Variants in SLC39A9 observed in about 807,000 individuals in gnomAD.
The protein encoded by SLC39A9 is zinc transporter ZIP9.
In SLC39A9, 14 loss-of-function variants were observed where a neutral mutation model predicts 28.4. That is an observed-to-expected ratio of 0.49 (90% CI 0.33 to 0.77). The LOEUF is 0.77. Among genes scored for constraint, SLC39A9 ranks in the 30% least tolerant of loss-of-function variants. The pLI, the probability that SLC39A9 is intolerant of heterozygous loss-of-function variation, is 0.02. For missense variants in SLC39A9, 283 were observed against 381.1 expected, an observed-to-expected ratio of 0.74 and a Z score of 2.14; for synonymous variants, 119 against 149.6, an observed-to-expected ratio of 0.80 and a Z score of 1.49.
At chr14:69,450,265 C>T (rs1050803592) in intron 3 of SLC39A9, among the ~76,000 whole-genome samples, 1 of 152,034 alleles carries the variant, frequency 6.6e-6, no homozygotes, top group Admixed American at 6.6e-5. Flanking sequence ...GGGTATCTTT[C>T]TTCCATACCA....
Position 69,442,249 on chromosome 14 carries a change from A to G in SLC39A9, c.386A>G (p.His129Arg), listed in dbSNP as rs1262002893. 6.2e-7 allele frequency: 1 copy of G among 1,614,046 alleles called. No individual in the cohort carries two copies. Among genetic ancestry groups the G allele is most frequent in the Non-Finnish European group, 8.5e-7 (1 of 1,180,036 alleles). ...CTGGTGGACCAGATTGGTAACTCCC[A>G]TGTGCATTCTACTGACGGTGAGTGG... is the stretch of plus-strand genomic sequence containing the variant. ...MLLVDQIGNS[H>R]VHSTDDPEAA... The change falls in exon 3 of 7, where the codon CAT becomes CGT. Residue 129 changes from histidine to arginine, a missense_variant. His to Arg is a conservative substitution (Grantham distance 29). Transcript: ENST00000336643.
chr14:69,439,717 G>A (rs2139422107), intron 2 of SLC39A9, among the ~76,000 whole-genome samples: 1 of 152,270 alleles, frequency 6.6e-6, no homozygotes, highest in African/African-American at 2.4e-5. Context: ...TTGCTGATGA[G>A]TGAGTTCTCC....
intron 1 of SLC39A9, among the ~76,000 whole-genome samples, chr14:69,405,265 C>T (rs1020303895): frequency 2.0e-5 from 3 of 152,096 alleles, no homozygotes; most frequent in African/African-American, 7.2e-5. Flanking sequence ...GTTTGAGTTA[C>T]CCGCAAATCA....
chr14:69,448,979 G>T (rs1490676803), intron 3 of SLC39A9, among the ~76,000 whole-genome samples: 1 of 152,134 alleles, frequency 6.6e-6, no homozygotes, highest in Non-Finnish European at 1.5e-5. Context: ...CTGAGAAAAG[G>T]ATGTATGAAT....
At chr14:69,456,345 A>G (rs1413378907) in intron 6 of SLC39A9, among the ~76,000 whole-genome samples, 2 of 152,212 alleles carry the variant, frequency 1.3e-5, no homozygotes, top group South Asian at 2.1e-4. Context: ...AGGGAACAAC[A>G]TACTGCTCAC....
chr14:69,420,537 T>G lies in SLC39A9; in HGVS notation c.97-3557T>G, dbSNP rs542148501. Among the ~76,000 whole-genome samples the G allele has an allele frequency of 2.0e-5, 3 of 152,262 alleles. No homozygotes were observed. In the South Asian group the frequency reaches 6.2e-4, roughly 32 times the overall value. ...TTCTCTGTATTTCCTGAATTTGAATTTTGGCCTGCCTTGCTATGTTGGGGA... is the reference window on the plus strand; with the variant it reads ...TTCTCTGTATTTCCTGAATTTGAATGTTGGCCTGCCTTGCTATGTTGGGGA... On this transcript the variant is annotated intron_variant, in intron 1 of 6. Coordinates refer to ENST00000336643, the MANE Select transcript of SLC39A9 (RefSeq NM_018375.5).
At chr14:69,422,181 C>T (rs545556868) in intron 1 of SLC39A9, among the ~76,000 whole-genome samples, 3 of 152,316 alleles carry the variant, frequency 2.0e-5, no homozygotes, top group Admixed American at 2.0e-4. Flanking sequence ...AAGAAACAAA[C>T]AGATGAAGTT....
intron 2 of SLC39A9, among the ~76,000 whole-genome samples, chr14:69,425,311 C>A (rs1390166420): frequency 6.6e-6 from 1 of 152,152 alleles, no homozygotes; most frequent in East Asian, 1.9e-4. Flanking sequence ...ACAGTATTTT[C>A]TTTCATATTC....
chr14:69,403,630 T>G (rs1029825819), intron 1 of SLC39A9, among the ~76,000 whole-genome samples: 1 of 152,198 alleles, frequency 6.6e-6, no homozygotes, highest in Non-Finnish European at 1.5e-5. Flanking sequence ...GATAAAAAAT[T>G]ACTACTATAA....
At chr14:69,443,359 A>C (rs948616785) in intron 3 of SLC39A9, among the ~76,000 whole-genome samples, 4 of 152,258 alleles carry the variant, frequency 2.6e-5, no homozygotes, top group African/African-American at 9.6e-5. Flanking sequence ...GCTACTTGAT[A>C]GTTGCCCAGC....
chr14:69,408,928 TATA>T (rs1883087579), intron 1 of SLC39A9, among the ~76,000 whole-genome samples: 1 of 152,232 alleles, frequency 6.6e-6, no homozygotes, highest in Non-Finnish European at 1.5e-5. Flanking sequence ...TTGACTATAG[TATA>T]ATAATTAATG....
intron 1 of SLC39A9, among the ~76,000 whole-genome samples, chr14:69,409,887 T>G (rs1883171921): frequency 6.6e-6 from 1 of 152,214 alleles, no homozygotes; most frequent in Non-Finnish European, 1.5e-5. Flanking sequence ...TTACAACAAA[T>G]GCAAATAACG....
rs1555405679 is a variant in SLC39A9 at position 69,406,856 on chromosome 14, T to TTTG, written c.96+7393_96+7394insGTT. Among the ~76,000 whole-genome samples the TTTG allele has an allele frequency of 8.7e-5, 12 of 137,648 alleles. No homozygotes were observed. In the East Asian group the frequency reaches 1.2e-3, roughly 14 times the overall value. The allele number at this position is 137,648 out of a possible 152,430, so 90.3% of individuals were successfully genotyped here. A position where few individuals can be genotyped will look rare whatever the true frequency, so the allele number is the denominator to read the frequency against. On this transcript the variant is annotated intron_variant, in intron 1 of 6. Coordinates refer to ENST00000336643, the MANE Select transcript of SLC39A9 (RefSeq NM_018375.5). ...TAGACTGGAAATTCTTTGTTTTTTT[T>TTTG]TTTTTTTTTTTTGAGATGGAGTCTT...
At chr14:69,446,600 C>T (rs1237601264) in intron 3 of SLC39A9, among the ~76,000 whole-genome samples, 11 of 152,002 alleles carry the variant, frequency 7.2e-5, no homozygotes, top group Middle Eastern at 3.2e-3. Flanking sequence ...TGGCTGGGCG[C>T]GGTGGCTCAC....
Position 69,417,053 on chromosome 14 carries a change from A to G in SLC39A9, c.97-7041A>G, listed in dbSNP as rs575764052. On this transcript the variant is annotated intron_variant, in intron 1 of 6. Coordinates refer to ENST00000336643, the MANE Select transcript of SLC39A9 (RefSeq NM_018375.5). ...AGTCATGAAGTCCTTGCCCATGCCT[A>G]TGTTCTGAATGGTACTGCCTAGGTT... Among the ~76,000 whole-genome samples, 46 of 152,266 alleles carry G rather than the reference A, an allele frequency of 3.0e-4. 1 individual carries two copies. The highest frequency in any genetic ancestry group is 1.7e-3 in the Admixed American group (26 of 15,286).
At chr14:69,438,966 T>A (rs1884911296) in intron 2 of SLC39A9, among the ~76,000 whole-genome samples, 1 of 152,146 alleles carries the variant, frequency 6.6e-6, no homozygotes, top group South Asian at 2.1e-4. Flanking sequence ...ATAGAAGGCA[T>A]TCACATTGGA....
chr14:69,405,755 T>C (rs1219070194), intron 1 of SLC39A9, among the ~76,000 whole-genome samples: 1 of 152,202 alleles, frequency 6.6e-6, no homozygotes, highest in African/African-American at 2.4e-5. Context: ...GGTTGCAATA[T>C]GATTCAATAT....
rs1197105303 is a variant in SLC39A9 at position 69,461,597 on chromosome 14, T to C, written c.*3004T>C. ...AGAGAAAAGAAAGGGAGTGGCTGTTTTGAGTTGTCCTTTCTTTGCAGAAAG... is the reference window on the plus strand; with the variant it reads ...AGAGAAAAGAAAGGGAGTGGCTGTTCTGAGTTGTCCTTTCTTTGCAGAAAG... On this transcript the variant is annotated 3_prime_UTR_variant, in exon 7 of 7. Coordinates refer to ENST00000336643, the MANE Select transcript of SLC39A9 (RefSeq NM_018375.5). 1 of 1,520,552 alleles carries C rather than the reference T, an allele frequency of 6.6e-7. No individual in the cohort carries two copies. The highest frequency in any genetic ancestry group is 1.2e-5 in the South Asian group (1 of 81,808). 94.2% of individuals were successfully genotyped at this position (1,520,552 alleles called of 1,614,324 possible). A position where few individuals can be genotyped will look rare whatever the true frequency, so the allele number is the denominator to read the frequency against.
Position 69,461,453 on chromosome 14 carries a change from A to G in SLC39A9, c.*2860A>G. 1 of 1,349,092 alleles carries G rather than the reference A, an allele frequency of 7.4e-7. No homozygotes were observed. The highest frequency in any genetic ancestry group is 9.6e-7 in the Non-Finnish European group (1 of 1,046,794). 83.6% of individuals were successfully genotyped at this position (1,349,092 alleles called of 1,614,324 possible). A position where few individuals can be genotyped will look rare whatever the true frequency, so the allele number is the denominator to read the frequency against. ...AAAGATTCTGCACTGGAACGTAGACAGTTGGAAACAGTACTACCTACCTAG... is the reference window on the plus strand; with the variant it reads ...AAAGATTCTGCACTGGAACGTAGACGGTTGGAAACAGTACTACCTACCTAG... On this transcript the variant is annotated 3_prime_UTR_variant, in exon 7 of 7. Coordinates refer to ENST00000336643, the MANE Select transcript of SLC39A9 (RefSeq NM_018375.5).
Sources: gnomAD v4.1 joint callset for allele counts (sites outside exome capture counted in the v4.1 genomes callset) on GRCh38, gnomAD v4.1.1 for gene constraint, MANE v1.5 for transcripts, NCBI Gene and HGNC (gene_info 2026-07-23, HGNC 2026-07-21) for gene names.